CDS2: variants seen among roughly 807,000 people sequenced by gnomAD.
CDS2 encodes the protein phosphatidate cytidylyltransferase 2.
In CDS2, 47 loss-of-function variants were observed where a neutral mutation model predicts 59.0. The ratio of observed to expected loss-of-function variants is 0.80; its 90% CI spans 0.63 to 1.02. CDS2 has a LOEUF of 1.02. Ranked by LOEUF, CDS2 falls within the 50% of genes least tolerant of loss-of-function variation. The pLI, the probability that CDS2 is intolerant of heterozygous loss-of-function variation, is 0.00. For synonymous variants in CDS2, 207 were observed against 206.4 expected (o/e 1.00, Z -0.02); for missense variants, 356 against 558.9 (o/e 0.64, Z 3.66).
At chr20:5,147,947 T>TG (rs1172028349) in intron 1 of CDS2, among the ~76,000 whole-genome samples, 4 of 152,114 alleles carry the variant, frequency 2.6e-5, no homozygotes, top group African/African-American at 9.7e-5. Flanking sequence ...ATTGTTTTTT[T>TG]TTGTTGTTGT....
intron 1 of CDS2, among the ~76,000 whole-genome samples, chr20:5,136,995 T>C (rs2090654470): frequency 6.6e-6 from 1 of 152,176 alleles, no homozygotes; most frequent in East Asian, 1.9e-4. Context: ...TGTGTCCATG[T>C]GTAGCTCCCA....
chr20:5,158,500 C>A (rs1211516221), intron 1 of CDS2, among the ~76,000 whole-genome samples: 1 of 152,122 alleles, frequency 6.6e-6, no homozygotes, highest in African/African-American at 2.4e-5. Context: ...TTAAACAACC[C>A]TGTAAAATCT....
At chr20:5,156,130 TAGG>T (rs2090832078) in intron 1 of CDS2, among the ~76,000 whole-genome samples, 1 of 151,998 alleles carries the variant, frequency 6.6e-6, no homozygotes, top group Non-Finnish European at 1.5e-5. Context: ...AGATGCCAAT[TAGG>T]AGGCCAGCTT....
chr20:5,130,974 CCAG>C (rs2090602025), intron 1 of CDS2, among the ~76,000 whole-genome samples: 1 of 151,542 alleles, frequency 6.6e-6, no homozygotes, highest in Non-Finnish European at 1.5e-5. Flanking sequence ...GCCTGTAGTC[CCAG>C]CTACTCGGAA....
At position 5,184,582 on chromosome 20, in the gene CDS2, C is replaced by T. The variant is rs1481061207; in HGVS notation, c.672-276C>T. Among the ~76,000 whole-genome samples the T allele has an allele frequency of 6.6e-6, 1 of 152,054 alleles. No individual in the cohort carries two copies. Among genetic ancestry groups the T allele is most frequent in the African/African-American group, 2.4e-5 (1 of 41,394 alleles). On this transcript the variant is annotated intron_variant, in intron 7 of 12. Transcript: ENST00000460006. This position sits in a 1 kb window ranked among gnomAD's most constrained non-coding sequence, Gnocchi z 4.3. ...ACAATTAAATTTCTCTCATTGTTTA[C>T]GTATATTTCTTTATCATGAAAAAAG...
At chr20:5,182,226 T>C (rs528005936) in intron 5 of CDS2, among the ~76,000 whole-genome samples, 161 bp from the exon 6 acceptor site, 1 of 152,362 alleles carries the variant, frequency 6.6e-6, no homozygotes, top group African/African-American at 2.4e-5. Flanking sequence ...TCCTTGTGAC[T>C]GTTTATCTGG....
At chr20:5,135,436 A>G (rs2090641605) in intron 1 of CDS2, among the ~76,000 whole-genome samples, 2 of 150,626 alleles carry the variant, frequency 1.3e-5, no homozygotes, top group South Asian at 4.1e-4. Flanking sequence ...TTGGGGGTGA[A>G]AAAGTACAGC....
At chr20:5,158,164 CTTTTTTTTT>C (rs397865587) in intron 1 of CDS2, among the ~76,000 whole-genome samples, 1 of 107,878 alleles carries the variant, frequency 9.3e-6, no homozygotes, top group African/African-American at 3.4e-5. Flanking sequence ...TGCTTTAGGT[CTTTTTTTTT>C]TTTTTTTTTT....
Position 5,193,416 on chromosome 20 carries a change from G to A in CDS2, c.*3182G>A, listed in dbSNP as rs753314674. ...TACAACTTTTGACTTTACACAGGTG[G>A]ACTTTGAATCCATTTTTATAGAATT... On this transcript the variant is annotated 3_prime_UTR_variant, in exon 13 of 13. Transcript: ENST00000460006. The A allele has an allele frequency of 6.6e-6, 1 of 152,166 alleles. No individual in the cohort carries two copies. Among genetic ancestry groups the A allele is most frequent in the Non-Finnish European group, 1.5e-5 (1 of 68,036 alleles). The allele number at this position is 152,166 out of a possible 1,614,324, so 9.4% of individuals were successfully genotyped here.
In CDS2 at chr20:5,133,978, A is replaced by G. The variant is rs184780990; in HGVS notation, c.57+6829A>G. Among the ~76,000 whole-genome samples, 5 of 152,378 alleles carry G rather than the reference A, an allele frequency of 3.3e-5. No homozygotes were observed. The East Asian group carries it at 7.7e-4, about 23-fold the overall frequency. On this transcript the variant is annotated intron_variant, in intron 1 of 12. Coordinates refer to ENST00000460006, the MANE Select transcript of CDS2 (RefSeq NM_003818.4). ...TATTTGGCTACAAAATCAAAAAAAT[A>G]CTATATAAATCTTTCAAAATGTTAA... is the stretch of plus-strand genomic sequence containing the variant.
chr20:5,138,042 A>T (rs1159313919), intron 1 of CDS2, among the ~76,000 whole-genome samples: 1 of 151,360 alleles, frequency 6.6e-6, no homozygotes, highest in East Asian at 2.0e-4. Context: ...CGTGATGCGC[A>T]TGTCTCAGCT....
At chr20:5,140,010 G>A (rs866832806) in intron 1 of CDS2, among the ~76,000 whole-genome samples, 2 of 152,106 alleles carry the variant, frequency 1.3e-5, no homozygotes, top group African/African-American at 4.8e-5. Flanking sequence ...CCATGTTGGC[G>A]AGGCTGGTCT....
Position 5,137,861 on chromosome 20 carries a change from C to T in CDS2, c.57+10712C>T, listed in dbSNP as rs185402692. ...TCGCCCAGGCTGGAGTACAGTGGCA[C>T]GATCTCGGCTCACTCCAAGCTCCGA... On this transcript the variant is annotated intron_variant, in intron 1 of 12. Transcript: ENST00000460006. Among the ~76,000 whole-genome samples the T allele has an allele frequency of 3.7e-3, 565 of 151,606 alleles. 4 individuals carry two copies. The highest frequency in any genetic ancestry group is 0.013 in the African/African-American group (527 of 41,378).
At chr20:5,176,505 G>A in intron 3 of CDS2, 143 bp from the exon 4 acceptor site, 1 of 666,486 alleles carries the variant, frequency 1.5e-6, no homozygotes, top group East Asian at 2.6e-5. Flanking sequence ...GTATGAGAGA[G>A]GAAGAAGGAG....
At chr20:5,150,778 G>A (rs2090782860) in intron 1 of CDS2, among the ~76,000 whole-genome samples, 1 of 152,180 alleles carries the variant, frequency 6.6e-6, no homozygotes, top group Non-Finnish European at 1.5e-5. Flanking sequence ...GAAATTGACT[G>A]TCCAAACCCT....
rs116463920 is a variant in CDS2 at position 5,183,274 on chromosome 20, T to A, written c.671+131T>A. On this transcript the variant is annotated intron_variant, in intron 7 of 12. Transcript: ENST00000460006. Reference sequence around the variant, plus strand: ...TCTGCAGGGTTCATTATAGCACAGATTGCTGGACCCCACCCCTGACTTTTT... The same window carrying A: ...TCTGCAGGGTTCATTATAGCACAGAATGCTGGACCCCACCCCTGACTTTTT... 2,242 of 703,110 alleles carry A rather than the reference T, an allele frequency of 3.2e-3. 29 individuals are homozygous for A. Among genetic ancestry groups the A allele is most frequent in the African/African-American group, 0.029 (1,615 of 55,808 alleles). The allele number at this position is 703,110 out of a possible 1,614,324, so 43.6% of individuals were successfully genotyped here.
Position 5,183,960 on chromosome 20 carries a change from G to C in CDS2, c.671+817G>C, listed in dbSNP as rs371283211. ...ATCACGAGGTCAGGAGTTGAAGACC[G>C]GCCTGGGCAACATAGTGAAATCCCC... On this transcript the variant is annotated intron_variant, in intron 7 of 12. Transcript: ENST00000460006. Among the ~76,000 whole-genome samples the C allele has an allele frequency of 4.6e-5, 7 of 152,206 alleles. No homozygotes were observed. In the South Asian group the frequency reaches 1.0e-3, roughly 23 times the overall value.
At chr20:5,129,875 G>T (rs1328923783) in intron 1 of CDS2, among the ~76,000 whole-genome samples, 1 of 152,004 alleles carries the variant, frequency 6.6e-6, no homozygotes, top group Admixed American at 6.6e-5. Context: ...CACCACACCT[G>T]GCCATGTTTG....
intron 1 of CDS2, among the ~76,000 whole-genome samples, chr20:5,139,388 A>G (rs1392067817): frequency 6.6e-6 from 1 of 152,190 alleles, no homozygotes; most frequent in Non-Finnish European, 1.5e-5. Flanking sequence ...AAGAAATGCT[A>G]CTGATTTTTG....
Sources: allele counts gnomAD v4.1 joint callset (sites outside exome capture counted in the v4.1 genomes callset), GRCh38; gene constraint gnomAD v4.1.1; non-coding constraint Gnocchi (gnomAD v3.1); transcripts MANE v1.5; gene names NCBI Gene and HGNC (gene_info 2026-07-23, HGNC 2026-07-21).